NEGR1: variants seen among roughly 807,000 people sequenced by gnomAD.
NEGR1 encodes IgLON family member 4.
In NEGR1, 10 loss-of-function variants were observed where a neutral mutation model predicts 40.9. That is an observed-to-expected ratio of 0.24 (90% CI 0.15 to 0.42). The LOEUF (loss-of-function observed/expected upper bound fraction) is 0.42, where lower values mean the gene tolerates loss of function less well. NEGR1 is among the 10% of genes least tolerant of loss of function. The pLI is 1.00. For synonymous variants in NEGR1, 185 were observed against 166.8 expected (o/e 1.11, Z -0.84); for missense variants, 352 against 438.9 (o/e 0.80, Z 1.77).
chr1:71,465,068 T>C (rs1011942718), intron 6 of NEGR1, among the ~76,000 whole-genome samples: 15 of 152,108 alleles, frequency 9.9e-5, no homozygotes, highest in African/African-American at 3.1e-4. Context: ...TGGATGCCAT[T>C]TCAGACTTTT....
chr1:71,758,439 C>T (rs943027720), intron 3 of NEGR1, among the ~76,000 whole-genome samples: 3 of 151,574 alleles, frequency 2.0e-5, no homozygotes, highest in Non-Finnish European at 2.9e-5. Flanking sequence ...TTCACTTGCC[C>T]GAATCTTAAA....
chr1:71,873,666 G>A (rs902199889), intron 2 of NEGR1, among the ~76,000 whole-genome samples: 8 of 151,958 alleles, frequency 5.3e-5, no homozygotes, highest in Non-Finnish European at 7.4e-5. Flanking sequence ...TTTTCCTCTC[G>A]ATTTACTCAC....
chr1:72,188,351 T>C (rs536826314), intron 1 of NEGR1, among the ~76,000 whole-genome samples: 1 of 151,626 alleles, frequency 6.6e-6, no homozygotes, highest in African/African-American at 2.4e-5. Flanking sequence ...ACACTTCTTT[T>C]CAATCTTCGC....
At chr1:71,822,140 G>A (rs1251564298) in intron 2 of NEGR1, among the ~76,000 whole-genome samples, 1 of 151,958 alleles carries the variant, frequency 6.6e-6, no homozygotes, top group East Asian at 1.9e-4. Flanking sequence ...GCTTTAGGCA[G>A]TGCAACTGGT....
chr1:71,425,192 C>A (rs1400576635), intron 6 of NEGR1, among the ~76,000 whole-genome samples: 1 of 151,980 alleles, frequency 6.6e-6, no homozygotes, highest in Non-Finnish European at 1.5e-5. Flanking sequence ...GAGTATTTCA[C>A]AGTGGGCTGG....
At chr1:71,490,634 G>A (rs1343903203) in intron 6 of NEGR1, among the ~76,000 whole-genome samples, 1 of 151,978 alleles carries the variant, frequency 6.6e-6, no homozygotes, top group Non-Finnish European at 1.5e-5. Context: ...GGCAATGATT[G>A]AGTCACACCT....
At chr1:71,766,259 A>G (rs1209642085) in intron 3 of NEGR1, among the ~76,000 whole-genome samples, 1 of 152,084 alleles carries the variant, frequency 6.6e-6, no homozygotes, top group African/African-American at 2.4e-5. Flanking sequence ...TAAAGATGTA[A>G]GAAAAAGATA....
chr1:71,768,364 G>A (rs892931670), intron 3 of NEGR1, among the ~76,000 whole-genome samples: 13 of 152,138 alleles, frequency 8.5e-5, no homozygotes, highest in African/African-American at 2.9e-4. Flanking sequence ...TGGAGTCAAA[G>A]GAGATTATTT....
At chr1:71,794,325 T>C (rs1213612522) in intron 2 of NEGR1, 2 of 152,106 alleles carry the variant, frequency 1.3e-5, no homozygotes, top group East Asian at 1.9e-4. Flanking sequence ...AGAACAATCC[T>C]AACTAAGAAA....
chr1:71,460,785 C>T (rs955272145), intron 6 of NEGR1, among the ~76,000 whole-genome samples: 7 of 152,108 alleles, frequency 4.6e-5, no homozygotes, highest in African/African-American at 1.7e-4. Context: ...TATATATGGA[C>T]ACCAGGTACA....
intron 6 of NEGR1, among the ~76,000 whole-genome samples, chr1:71,555,635 T>C (rs1360084189): frequency 6.6e-6 from 1 of 151,638 alleles, no homozygotes. Context: ...GTGACATTTT[T>C]TCAAATTATC....
chr1:71,943,280 C>T (rs12090492), intron 1 of NEGR1, among the ~76,000 whole-genome samples: 60,716 of 149,120 alleles, frequency 0.41, 13,432 homozygotes, highest in East Asian at 0.64. Flanking sequence ...CACATATATA[C>T]ACATGTATCA....
At chr1:72,049,246 C>T (rs1374273564) in intron 1 of NEGR1, among the ~76,000 whole-genome samples, 1 of 151,498 alleles carries the variant, frequency 6.6e-6, no homozygotes, top group African/African-American at 2.4e-5. Context: ...GAGGCTGAGG[C>T]AGGAGTATTC....
At chr1:71,555,829 G>A (rs1222774504) in intron 6 of NEGR1, among the ~76,000 whole-genome samples, 1 of 151,366 alleles carries the variant, frequency 6.6e-6, no homozygotes, top group East Asian at 2.0e-4. Context: ...CACTCTCACT[G>A]AAGTCATTTT....
intron 4 of NEGR1, among the ~76,000 whole-genome samples, chr1:71,692,563 A>T (rs528287943): frequency 6.6e-6 from 1 of 151,678 alleles, no homozygotes; most frequent in Admixed American, 6.6e-5. Context: ...CATATTGCCT[A>T]AATTGCCCAA....
At chr1:72,064,871 A>C (rs760056936) in intron 1 of NEGR1, among the ~76,000 whole-genome samples, 5 of 152,054 alleles carry the variant, frequency 3.3e-5, no homozygotes, top group Non-Finnish European at 7.4e-5. Flanking sequence ...TAAATGAGGA[A>C]ACTTAAGAAA....
chr1:71,431,148 G>A (rs944776050), intron 6 of NEGR1, among the ~76,000 whole-genome samples: 1 of 149,272 alleles, frequency 6.7e-6, no homozygotes, highest in Non-Finnish European at 1.5e-5. Flanking sequence ...CAATAAATAT[G>A]TATTCCCTGG....
intron 1 of NEGR1, among the ~76,000 whole-genome samples, chr1:72,159,240 C>G (rs1651468240): frequency 6.6e-6 from 1 of 152,084 alleles, no homozygotes; most frequent in Non-Finnish European, 1.5e-5. Context: ...TAAGAAGAGT[C>G]TTTGCAATAG....
chr1:71,913,867 A>AAC (rs1478332417), intron 2 of NEGR1, among the ~76,000 whole-genome samples: 5 of 152,032 alleles, frequency 3.3e-5, no homozygotes, highest in Non-Finnish European at 7.4e-5. Flanking sequence ...AAAAAAAAAA[A>AAC]AAACAGTGAT....
Sources: allele counts gnomAD v4.1 joint callset (sites outside exome capture counted in the v4.1 genomes callset), GRCh38; gene constraint gnomAD v4.1.1; transcripts MANE v1.5; gene names NCBI Gene and HGNC (gene_info 2026-07-23, HGNC 2026-07-21).